Variants in FGF13 observed in about 807,000 individuals in gnomAD.
The protein encoded by FGF13 is fibroblast growth factor 13.
Under a neutral mutation model 19.5 loss-of-function variants are expected in FGF13, and 2 were observed. That is an observed-to-expected ratio of 0.10 (90% CI 0.04 to 0.32). The LOEUF (loss-of-function observed/expected upper bound fraction) is 0.32. FGF13 is among the 10% of genes least tolerant of loss of function. FGF13 has a pLI of 1.00. For synonymous variants in FGF13, 72 were observed against 76.9 expected, an observed-to-expected ratio of 0.94 and a Z score of 0.33; for missense variants, 113 against 192.7, an observed-to-expected ratio of 0.59 and a Z score of 2.45.
At chrX:138,831,925 C>T (rs185021748) in intron 3 of FGF13, among the ~76,000 whole-genome samples, 1 of 111,494 alleles carries the variant, frequency 9.0e-6, no homozygotes, top group Non-Finnish European at 1.9e-5. Context: ...TGAGAACATG[C>T]AGTATTTAGT....
chrX:139,133,451 G>A (rs1420291899), intron 1 of FGF13, among the ~76,000 whole-genome samples: 1 of 110,110 alleles, frequency 9.1e-6, no homozygotes, highest in Non-Finnish European at 1.9e-5. Flanking sequence ...AGATTTCAAA[G>A]GGTATACATC....
At chrX:139,043,397 G>C (rs1290942451) in intron 1 of FGF13, among the ~76,000 whole-genome samples, 2 of 110,368 alleles carry the variant, frequency 1.8e-5, no homozygotes, top group African/African-American at 3.3e-5. Flanking sequence ...TTTTTTTGTA[G>C]AGACGGAGAT....
At chrX:138,865,475 T>TCTCTCTCTCTCCTCTCTCTCTCTC (rs2091317117) in intron 1 of FGF13, among the ~76,000 whole-genome samples, 1 of 75,889 alleles carries the variant, frequency 1.3e-5, no homozygotes, top group Non-Finnish European at 2.4e-5. Context: ...CTCTCTCTCC[T>TCTCTCTCTCTCCTCTCTCTCTCTC]CTCTCTCTCT....
chrX:138,943,880 G>A (rs115383495), intron 1 of FGF13, among the ~76,000 whole-genome samples: 2,429 of 111,648 alleles, frequency 0.022, 61 homozygotes, highest in African/African-American at 0.074. Flanking sequence ...GCTGAAATAC[G>A]CTATAGGGAG....
chrX:138,946,783 A>G (rs1312571863), intron 1 of FGF13, among the ~76,000 whole-genome samples: 2 of 112,018 alleles, frequency 1.8e-5, no homozygotes, highest in Non-Finnish European at 3.8e-5. Flanking sequence ...TATCCTTACA[A>G]ACTGCACCAT....
chrX:138,869,309 A>G (rs2091345575), intron 1 of FGF13, among the ~76,000 whole-genome samples: 2 of 112,051 alleles, frequency 1.8e-5, no homozygotes, highest in South Asian at 7.5e-4. Flanking sequence ...GATCTACAGA[A>G]CCATTTCTGA....
intron 1 of FGF13, among the ~76,000 whole-genome samples, chrX:139,153,197 C>A (rs1274098735): frequency 9.0e-6 from 1 of 111,067 alleles, no homozygotes; most frequent in Middle Eastern, 4.3e-3. Context: ...TCAATTCACC[C>A]TCTACAGACA....
chrX:138,960,386 A>T (rs940911206), intron 1 of FGF13, among the ~76,000 whole-genome samples: 1 of 111,626 alleles, frequency 9.0e-6, no homozygotes, highest in Non-Finnish European at 1.9e-5. Flanking sequence ...CTGCTGAGAG[A>T]CCCGCTGTTA....
At chrX:139,035,800 T>C (rs772250135) in intron 1 of FGF13, among the ~76,000 whole-genome samples, 17 of 111,343 alleles carry the variant, frequency 1.5e-4, no homozygotes, top group Non-Finnish European at 3.2e-4. Context: ...GCTCATTTCA[T>C]TCAGAAAGAC....
At position 138,982,191 on chromosome X, in the gene FGF13, A is replaced by T. The variant is rs371582587; in HGVS notation, c.-112-117541T>A. ...GGTTGGGAACAGGTCTGGGAAATTT[A>T]TCTGAGTTGTTGGGTATCATCAGGA... On this transcript the variant is annotated intron_variant, in intron 1 of 2. Transcript: ENST00000421460. Among the ~76,000 whole-genome samples the T allele has an allele frequency of 9.9e-5, 11 of 111,419 alleles. No individual in the cohort carries two copies. In the East Asian group the frequency reaches 2.9e-3, roughly 29 times the overall value.
At chrX:139,204,254 T>TGCCGCC (rs920292556), upstream of FGF13, 7 of 525,999 alleles carry the variant, frequency 1.3e-5, no homozygotes, top group African/African-American at 7.0e-5. Flanking sequence ...TCCCCACCGC[T>TGCCGCC]GCCGCCGCCG....
chrX:138,919,492 T>G (rs1288841313), intron 1 of FGF13, among the ~76,000 whole-genome samples: 1 of 111,944 alleles, frequency 8.9e-6, no homozygotes, highest in Admixed American at 9.5e-5. Flanking sequence ...CCTAGAAAAA[T>G]AAATAAATTT....
At chrX:139,023,662 T>C (rs771718875) in intron 1 of FGF13, among the ~76,000 whole-genome samples, 73 of 111,521 alleles carry the variant, frequency 6.5e-4, no homozygotes, top group African/African-American at 2.3e-3. Context: ...CATGAGAAGA[T>C]TGGTTAAGTA....
intron 1 of FGF13, among the ~76,000 whole-genome samples, chrX:139,006,107 C>T (rs770884472): frequency 1.2e-3 from 129 of 110,985 alleles, no homozygotes; most frequent in African/African-American, 3.9e-3. Flanking sequence ...GCAGATTTAA[C>T]CCAAAGAAGA....
intron 1 of FGF13, among the ~76,000 whole-genome samples, chrX:139,015,130 T>G (rs2092147546): frequency 9.0e-6 from 1 of 110,980 alleles, no homozygotes; most frequent in Non-Finnish European, 1.9e-5. Context: ...GGGAAAAAAC[T>G]GATAGCTTTT....
chrX:138,997,355 C>T (rs935432284), intron 1 of FGF13, among the ~76,000 whole-genome samples: 7 of 111,746 alleles, frequency 6.3e-5, no homozygotes, highest in Non-Finnish European at 1.1e-4. Flanking sequence ...GAGAAGTACG[C>T]TTCAGAAGGT....
chrX:139,107,946 C>A (rs1224223500), intron 1 of FGF13, among the ~76,000 whole-genome samples: 8 of 111,139 alleles, frequency 7.2e-5, no homozygotes, highest in African/African-American at 2.6e-4. Flanking sequence ...CTGTCCATAT[C>A]AGGCTTCAGT....
intron 1 of FGF13, among the ~76,000 whole-genome samples, chrX:139,176,796 CTTTTGCAT>C (rs1369473086): frequency 9.0e-6 from 1 of 111,701 alleles, no homozygotes; most frequent in Non-Finnish European, 1.9e-5. Context: ...GATTTCCATT[CTTTTGCAT>C]TTGCTGAGGA....
At chrX:138,720,896 A>G (rs1036729729) in intron 1 of FGF13, among the ~76,000 whole-genome samples, 1 of 112,100 alleles carries the variant, frequency 8.9e-6, no homozygotes, top group Non-Finnish European at 1.9e-5. Context: ...CCCTTTGAAC[A>G]TCAACCACTG....
Sources: gnomAD v4.1 joint callset for allele counts (sites outside exome capture counted in the v4.1 genomes callset) on GRCh38, gnomAD v4.1.1 for gene constraint, MANE v1.5 for transcripts, NCBI Gene and HGNC (gene_info 2026-07-23, HGNC 2026-07-21) for gene names.